Variants in DOCK5 observed in about 807,000 individuals in gnomAD.
DOCK5 encodes dedicator of cytokinesis protein 5.
Under a neutral mutation model 251.8 loss-of-function variants are expected in DOCK5, and 142 were observed. The ratio of observed to expected loss-of-function variants is 0.56; its 90% confidence interval spans 0.49 to 0.65. The LOEUF (loss-of-function observed/expected upper bound fraction) is 0.65, where lower values mean the gene tolerates loss of function less well. DOCK5 is among the 30% of genes least tolerant of loss of function. The probability of loss-of-function intolerance (pLI) is 0.00; values close to 1 mark genes in which losing one functional copy is unlikely to be tolerated. For synonymous variants in DOCK5, 842 were observed against 835.5 expected (o/e 1.01, Z -0.13); for missense variants, 2,111 against 2,312.3 (o/e 0.91, Z 1.79).
At chr8:25,227,566 G>A (rs887094897) in intron 1 of DOCK5, among the ~76,000 whole-genome samples, 1 of 152,022 alleles carries the variant, frequency 6.6e-6, no homozygotes, top group Non-Finnish European at 1.5e-5. Flanking sequence ...TGTCTTGAAA[G>A]CAAAATCCCT....
At chr8:25,384,857 C>T (rs1054490957) in intron 40 of DOCK5, among the ~76,000 whole-genome samples, 4 of 151,918 alleles carry the variant, frequency 2.6e-5, no homozygotes, top group African/African-American at 2.4e-5. Flanking sequence ...CACTTGAGCT[C>T]GGGAGGCAGA....
intron 39 of DOCK5, among the ~76,000 whole-genome samples, chr8:25,381,216 T>C (rs900920941): frequency 2.0e-5 from 3 of 152,254 alleles, no homozygotes; most frequent in African/African-American, 7.2e-5. Context: ...AGGTCACCCA[T>C]AGTCATGAAA....
At chr8:25,215,348 G>A (rs949511929) in intron 1 of DOCK5, among the ~76,000 whole-genome samples, 6 of 152,048 alleles carry the variant, frequency 3.9e-5, no homozygotes, top group Admixed American at 6.6e-5. Flanking sequence ...GGGGGTGGGG[G>A]GATGTCTTTT....
At chr8:25,230,214 T>C (rs1210957022) in intron 1 of DOCK5, among the ~76,000 whole-genome samples, 4 of 152,158 alleles carry the variant, frequency 2.6e-5, no homozygotes, top group Non-Finnish European at 5.9e-5. Flanking sequence ...GGCTCACATA[T>C]AGTAATGCAG....
rs142498861 is a variant in DOCK5 at position 25,312,582 on chromosome 8, G to C, written c.1318+2050G>C. On this transcript the variant is annotated intron_variant, in intron 13 of 51. Transcript: ENST00000276440. ...GTTCAAGACCAGCCTGGCCAACATG[G>C]TGAAACCCCATCTCTATTCAAAATA... Among the ~76,000 whole-genome samples, 1,203 of 152,082 alleles carry C rather than the reference G, an allele frequency of 7.9e-3. 18 individuals carry two copies. Among genetic ancestry groups the C allele is most frequent in the South Asian group, 0.045 (215 of 4,810 alleles).
intron 5 of DOCK5, among the ~76,000 whole-genome samples, chr8:25,288,602 A>G (rs1804404436): frequency 1.3e-5 from 2 of 152,198 alleles, no homozygotes; most frequent in African/African-American, 4.8e-5. Context: ...TTTCTTTACC[A>G]TATTATGAGA....
chr8:25,318,279 C>T (rs940540969), intron 14 of DOCK5, among the ~76,000 whole-genome samples: 11 of 151,540 alleles, frequency 7.3e-5, no homozygotes, highest in Non-Finnish European at 1.0e-4. Flanking sequence ...TTAGTAGAGA[C>T]GGGGTTTCAC....
intron 5 of DOCK5, among the ~76,000 whole-genome samples, chr8:25,284,384 A>G (rs1291208485): frequency 6.6e-6 from 1 of 152,192 alleles, no homozygotes; most frequent in Non-Finnish European, 1.5e-5. Context: ...GGATCACACT[A>G]GAAGATTTAG....
At chr8:25,265,027 A>G (rs553435496) in intron 2 of DOCK5, among the ~76,000 whole-genome samples, 4 of 152,058 alleles carry the variant, frequency 2.6e-5, no homozygotes, top group African/African-American at 7.3e-5. Flanking sequence ...AATCTTGGCT[A>G]CACATTGGCA....
At chr8:25,410,937 A>AGAGAGAGAC (rs1554512988) in intron 51 of DOCK5, among the ~76,000 whole-genome samples, 1 of 7,790 alleles carries the variant, frequency 1.3e-4, no homozygotes, top group Non-Finnish European at 5.1e-4. Flanking sequence ...GAGAGAGAGA[A>AGAGAGAGAC]AATGTGTGTG....
In DOCK5 at chr8:25,271,592, A is replaced by G. The variant is rs75626999; in HGVS notation, c.168+2707A>G. 6.5e-3 allele frequency among the ~76,000 whole-genome samples: 993 copies of G among 152,340 alleles called. 13 individuals carry two copies. The highest frequency in any genetic ancestry group is 0.023 in the African/African-American group (957 of 41,566). ...GCTGACCCAGCCATTTAGAGTGATGATAAAAGGAGCTAGTTGATGATAAAA... is the reference window on the plus strand; with the variant it reads ...GCTGACCCAGCCATTTAGAGTGATGGTAAAAGGAGCTAGTTGATGATAAAA... On this transcript the variant is annotated intron_variant, in intron 3 of 51. Transcript: ENST00000276440.
At chr8:25,224,495 T>C (rs1164170087) in intron 1 of DOCK5, among the ~76,000 whole-genome samples, 6 of 152,194 alleles carry the variant, frequency 3.9e-5, no homozygotes, top group Non-Finnish European at 8.8e-5. Flanking sequence ...GACATTCTTA[T>C]ATCCATGAGA....
At chr8:25,200,710 G>T (rs1045771006) in intron 1 of DOCK5, among the ~76,000 whole-genome samples, 1 of 152,184 alleles carries the variant, frequency 6.6e-6, no homozygotes, top group Non-Finnish European at 1.5e-5. Context: ...CTGCCATTCA[G>T]TTAGTTACTT....
intron 2 of DOCK5, among the ~76,000 whole-genome samples, chr8:25,262,178 A>T (rs952706546): frequency 6.6e-6 from 1 of 151,528 alleles, no homozygotes; most frequent in Non-Finnish European, 1.5e-5. Flanking sequence ...GCAATGAGAG[A>T]GAGTTCCAGT....
intron 26 of DOCK5, among the ~76,000 whole-genome samples, chr8:25,350,767 G>T (rs889204981): frequency 3.3e-5 from 5 of 152,106 alleles, no homozygotes; most frequent in Non-Finnish European, 7.4e-5. Context: ...CCACATCTGT[G>T]ATACTCATTT....
At chr8:25,271,470 G>A (rs142634291) in intron 3 of DOCK5, among the ~76,000 whole-genome samples, 116 of 152,138 alleles carry the variant, frequency 7.6e-4, no homozygotes, top group African/African-American at 2.6e-3. Context: ...CATTAGAAAC[G>A]CTCTCCTGTG....
intron 43 of DOCK5, among the ~76,000 whole-genome samples, chr8:25,392,283 G>A (rs1048076665): frequency 1.4e-5 from 2 of 146,508 alleles, no homozygotes; most frequent in African/African-American, 5.1e-5. Flanking sequence ...CAGCATGGGC[G>A]ACAGAGCGAG....
rs1000344626 is a variant in DOCK5, at chr8:25,336,270, G to T, written c.2224G>T (p.Ala742Ser). ...CTCCAAGGTACTGAACTTCTATGTG[G>T]CTAATGCAGATGACTCCAGCAAGAC... ...KLSKVLNFYV[A>S]NADDSSKTEL... The change falls in exon 22 of 52, where the codon GCT becomes TCT. Residue 742 changes from alanine to serine, a missense_variant. By Grantham distance (99) the Ala-to-Ser change is moderately conservative. Transcript: ENST00000276440. The T allele has an allele frequency of 6.2e-7, 1 of 1,613,612 alleles. No homozygotes were observed. The highest frequency in any genetic ancestry group is 8.5e-7 in the Non-Finnish European group (1 of 1,179,792).
chr8:25,229,859 A>C (rs1359086612), intron 1 of DOCK5, among the ~76,000 whole-genome samples: 1 of 152,118 alleles, frequency 6.6e-6, no homozygotes, highest in East Asian at 1.9e-4. Context: ...TAAAAGTATA[A>C]TTTAATACAG....
Sources: allele counts gnomAD v4.1 joint callset (sites outside exome capture counted in the v4.1 genomes callset), GRCh38; gene constraint gnomAD v4.1.1; transcripts MANE v1.5; gene names NCBI Gene and HGNC (gene_info 2026-07-23, HGNC 2026-07-21).